DPP10: variants seen among roughly 807,000 people sequenced by gnomAD.
DPP10 encodes the protein inactive dipeptidyl peptidase 10.
A neutral mutation model predicts 120.9 loss-of-function variants in DPP10; 33 were observed. The observed-to-expected ratio is 0.27, with a 90% CI of 0.21 to 0.37. The LOEUF (loss-of-function observed/expected upper bound fraction) is 0.37, where lower values mean the gene tolerates loss of function less well. Among genes scored for constraint, DPP10 ranks in the 10% least tolerant of loss-of-function variants. The probability of loss-of-function intolerance (pLI) is 1.00; values close to 1 mark genes in which losing one functional copy is unlikely to be tolerated. For synonymous variants in DPP10, 337 were observed against 326.1 expected (o/e 1.03, Z -0.36); for missense variants, 816 against 942.8 (o/e 0.87, Z 1.76).
chr2:115,372,437 A>G (rs2065478144), intron 3 of DPP10, among the ~76,000 whole-genome samples: 1 of 152,094 alleles, frequency 6.6e-6, no homozygotes, highest in South Asian at 2.1e-4. Context: ...CATAGAATCT[A>G]TTTGATTTCA....
At chr2:115,056,505 G>A (rs1705925361) in intron 1 of DPP10, among the ~76,000 whole-genome samples, 2 of 152,110 alleles carry the variant, frequency 1.3e-5, no homozygotes, top group South Asian at 2.1e-4. Flanking sequence ...GACTACAGGT[G>A]CATACCCCCA....
intron 21 of DPP10, among the ~76,000 whole-genome samples, chr2:115,835,362 G>T: frequency 6.6e-6 from 1 of 152,172 alleles, no homozygotes; most frequent in East Asian, 1.9e-4. Flanking sequence ...AGCAAAGTTT[G>T]TCACGCATAG....
intron 10 of DPP10, 68 bp downstream of exon 10, chr2:115,746,251 AT>A: frequency 7.5e-7 from 1 of 1,335,684 alleles, no homozygotes. Context: ...TTTTGTTGCA[AT>A]TTAGAGAGAG....
At chr2:115,124,890 C>G (rs896787392) in intron 1 of DPP10, among the ~76,000 whole-genome samples, 1 of 152,126 alleles carries the variant, frequency 6.6e-6, no homozygotes, top group African/African-American at 2.4e-5. Context: ...TGATTCTGTT[C>G]TTTGACTTTC....
At chr2:114,477,433 A>G (rs1422090096) in intron 1 of DPP10, among the ~76,000 whole-genome samples, 1 of 152,062 alleles carries the variant, frequency 6.6e-6, no homozygotes, top group Non-Finnish European at 1.5e-5. Flanking sequence ...ACATATATGT[A>G]TATATGAAAT....
intron 5 of DPP10, among the ~76,000 whole-genome samples, chr2:115,612,947 G>T (rs1009415354): frequency 6.6e-6 from 1 of 151,634 alleles, no homozygotes; most frequent in African/African-American, 2.4e-5. Context: ...CACTAGGCAG[G>T]GTTGATAAAT....
intron 1 of DPP10, among the ~76,000 whole-genome samples, chr2:114,752,859 C>T (rs553485047): frequency 7.2e-5 from 11 of 152,186 alleles, no homozygotes; most frequent in Admixed American, 7.2e-4. Context: ...GCTGATGAAG[C>T]TGAAATGGGG....
chr2:115,722,460 T>TA (rs772590095), intron 7 of DPP10, among the ~76,000 whole-genome samples: 38 of 152,026 alleles, frequency 2.5e-4, no homozygotes, highest in Non-Finnish European at 4.4e-4. Flanking sequence ...AACGTGTCGT[T>TA]ACGCAATTTT....
intron 1 of DPP10, among the ~76,000 whole-genome samples, chr2:115,049,249 G>C (rs1284331516): frequency 1.3e-5 from 2 of 151,912 alleles, no homozygotes; most frequent in Non-Finnish European, 2.9e-5. Flanking sequence ...GGCAGCAAAG[G>C]TAATAAGGAG....
intron 1 of DPP10, among the ~76,000 whole-genome samples, chr2:114,893,131 CAT>C (rs1438859483): frequency 6.6e-6 from 1 of 152,070 alleles, no homozygotes; most frequent in African/African-American, 2.4e-5. Context: ...CTCCAAGAAA[CAT>C]ATAGTAGGGG....
intron 1 of DPP10, among the ~76,000 whole-genome samples, chr2:115,116,439 G>T (rs2049511047): frequency 6.6e-6 from 1 of 152,002 alleles, no homozygotes; most frequent in Non-Finnish European, 1.5e-5. Flanking sequence ...AGTCATCAAG[G>T]TTATGTATTT....
chr2:115,776,106 T>C (rs1438155922), intron 13 of DPP10, among the ~76,000 whole-genome samples: 1 of 152,148 alleles, frequency 6.6e-6, no homozygotes, highest in East Asian at 1.9e-4. Context: ...CAGAGTGAAG[T>C]AGCTTGAGTA....
At chr2:115,068,641 C>T (rs1369043789) in intron 1 of DPP10, among the ~76,000 whole-genome samples, 1 of 152,058 alleles carries the variant, frequency 6.6e-6, no homozygotes, top group East Asian at 1.9e-4. Context: ...AATTATTTGC[C>T]CAGACCAATG....
chr2:114,648,746 A>C (rs1296528599), intron 1 of DPP10, among the ~76,000 whole-genome samples: 1 of 152,202 alleles, frequency 6.6e-6, no homozygotes, highest in Admixed American at 6.5e-5. Flanking sequence ...CATCTGCATC[A>C]GGGCTCCAGA....
intron 1 of DPP10, among the ~76,000 whole-genome samples, chr2:115,139,212 G>A (rs1456042705): frequency 2.0e-5 from 3 of 152,018 alleles, no homozygotes; most frequent in Admixed American, 2.0e-4. Flanking sequence ...TTTATTTATG[G>A]TATATCATAT....
chr2:114,877,328 T>C (rs542506736), intron 1 of DPP10, among the ~76,000 whole-genome samples: 3 of 152,224 alleles, frequency 2.0e-5, no homozygotes, highest in Admixed American at 6.6e-5. Flanking sequence ...AGTAAGTAGT[T>C]GGCTAACACA....
intron 1 of DPP10, among the ~76,000 whole-genome samples, chr2:115,154,892 CTTTTT>C (rs34462965): frequency 7.3e-6 from 1 of 136,530 alleles, no homozygotes; most frequent in Non-Finnish European, 1.6e-5. Flanking sequence ...TTTGCCATTA[CTTTTT>C]TTTTTTTTTT....
At chr2:114,728,637 G>A (rs779198081) in intron 1 of DPP10, among the ~76,000 whole-genome samples, 3 of 152,012 alleles carry the variant, frequency 2.0e-5, no homozygotes, top group Non-Finnish European at 4.4e-5. Flanking sequence ...CACTAGATAA[G>A]TAAGATTTTC....
intron 1 of DPP10, among the ~76,000 whole-genome samples, chr2:115,177,669 A>G (rs1429004640): frequency 6.6e-6 from 1 of 152,220 alleles, no homozygotes; most frequent in Admixed American, 6.5e-5. Flanking sequence ...AAGCTAGTCT[A>G]GACACATTCT....
Sources: gnomAD v4.1 joint callset for allele counts (sites outside exome capture counted in the v4.1 genomes callset) on GRCh38, gnomAD v4.1.1 for gene constraint, MANE v1.5 for transcripts, NCBI Gene and HGNC (gene_info 2026-07-23, HGNC 2026-07-21) for gene names.